Variants in HTN3 observed in about 807,000 individuals in gnomAD.
HTN3 encodes the protein histatin 3, also known as histatin-3.
In HTN3, 15 loss-of-function variants were observed where a neutral mutation model predicts 10.6. The observed-to-expected ratio is 1.42, with a 90% confidence interval of 0.95 to 2.18. HTN3 has a LOEUF of 2.18. Among genes scored for constraint, HTN3 ranks in the 30% most tolerant of loss-of-function variants. HTN3 has a pLI of 0.00. For missense variants in HTN3, 68 were observed against 58.0 expected (o/e 1.17, Z -0.56); for synonymous variants, 15 against 16.9 (o/e 0.89, Z 0.27).
In HTN3 at chr4:70,033,237, G is replaced by A. The variant is rs778068627; in HGVS notation, c.*17G>A. ...GACAATTGATATCTTCAGTAATCAC[G>A]GGGCATGATTATGGAGGTAAGCTGA... is the stretch of plus-strand genomic sequence containing the variant. On this transcript the variant is annotated 3_prime_UTR_variant, in exon 5 of 6. Transcript: ENST00000673563. 9.4e-6 allele frequency: 14 copies of A among 1,485,114 alleles called. No homozygotes were observed. The highest frequency in any genetic ancestry group is 3.5e-5 in the South Asian group (3 of 85,148). The allele number at this position is 1,485,114 out of a possible 1,614,324, so 92.0% of individuals were successfully genotyped here.
chr4:70,032,883 T>A (rs1258038391), intron 4 of HTN3, among the ~76,000 whole-genome samples: 1 of 152,104 alleles, frequency 6.6e-6, no homozygotes, highest in East Asian at 1.9e-4. Flanking sequence ...GTTAAGAAGA[T>A]TTAAAACCTG....
chr4:70,030,685 A>C (rs1428389429), intron 1 of HTN3, 43 bp from the exon 2 acceptor site: 13 of 1,279,172 alleles, frequency 1.0e-5, no homozygotes, highest in Admixed American at 1.7e-5. Context: ...GAATGAATGC[A>C]TGAAAGAATG....
chr4:70,030,544 A>G (rs552783786), intron 1 of HTN3, among the ~76,000 whole-genome samples, 184 bp from the exon 2 acceptor site: 2 of 152,254 alleles, frequency 1.3e-5, no homozygotes, highest in South Asian at 2.1e-4. Flanking sequence ...GGGAGGCTAA[A>G]GTGGGAGGAT....
intron 1 of HTN3, among the ~76,000 whole-genome samples, chr4:70,029,488 A>T (rs1199741540): frequency 1.3e-5 from 2 of 152,054 alleles, no homozygotes; most frequent in African/African-American, 4.8e-5. Flanking sequence ...TTATAATTAG[A>T]TGAAAAACGT....
rs1456651028 is a variant in HTN3 at position 70,029,497 on chromosome 4, G to A, written c.-14+981G>A. ...TTTTTATTATAATTAGATGAAAAAC[G>A]TTACTGTAATGTTCTATCACAAGTG... On this transcript the variant is annotated intron_variant, in intron 1 of 5. Transcript: ENST00000673563. Among the ~76,000 whole-genome samples the A allele has an allele frequency of 5.3e-5, 8 of 151,902 alleles. No individual in the cohort carries two copies. The East Asian group carries it at 5.8e-4, about 11-fold the overall frequency.
rs372688049 is a variant in HTN3 at position 70,033,185 on chromosome 4, C to T, written c.121C>T (p.Arg41Ter). The T allele has an allele frequency of 3.5e-5, 56 of 1,605,982 alleles. No homozygotes were observed. In the East Asian group the frequency reaches 3.6e-4, roughly 10 times the overall value. ...RKFHEKHHSHRGYRSNYLYDN is the reference protein window; with the variant it reads ...RKFHEKHHSH ...TATGCAGGAAAAGCATCATTCACAT[C>T]GAGGCTATAGATCAAATTATCTGTA... Residue 41 changes from arginine (R) to a stop codon, truncating the protein, a stop_gained, in exon 5 of 6, where the codon CGA becomes TGA. Transcript: ENST00000673563. LOFTEE classifies it high-confidence loss of function.
At chr4:70,034,808 T>C (rs534068834) in intron 5 of HTN3, among the ~76,000 whole-genome samples, 25 of 152,226 alleles carry the variant, frequency 1.6e-4, no homozygotes, top group African/African-American at 5.5e-4. Flanking sequence ...CAAATGCCCA[T>C]CAATGATAGA....
chr4:70,033,282 T>A, intron 5 of HTN3, 29 bp downstream of exon 5: 1 of 1,048,894 alleles, frequency 9.5e-7, no homozygotes, highest in Non-Finnish European at 1.4e-6. Context: ...CTTTTCTTTC[T>A]AGAAGTATCA....
intron 1 of HTN3, among the ~76,000 whole-genome samples, chr4:70,029,845 T>C (rs1214353416): frequency 6.6e-6 from 1 of 152,136 alleles, no homozygotes; most frequent in Non-Finnish European, 1.5e-5. Flanking sequence ...GATACAATCA[T>C]TTTCCCTGTG....
chr4:70,034,141 G>A (rs956771131), intron 5 of HTN3: 3 of 152,054 alleles, frequency 2.0e-5, no homozygotes, highest in Non-Finnish European at 4.4e-5. Context: ...CGGGACATAG[G>A]CATGGACAAA....
chr4:70,029,564 A>G (rs1045589208), intron 1 of HTN3, among the ~76,000 whole-genome samples: 1 of 152,116 alleles, frequency 6.6e-6, no homozygotes, highest in Non-Finnish European at 1.5e-5. Context: ...AATATTATCT[A>G]TTAATGAATT....
At chr4:70,034,988 G>A (rs1430272209) in intron 5 of HTN3, among the ~76,000 whole-genome samples, 1 of 152,128 alleles carries the variant, frequency 6.6e-6, no homozygotes, top group Non-Finnish European at 1.5e-5. Context: ...ATAAGTGGGA[G>A]CTGAACAATG....
At chr4:70,036,069 A>C (rs935922214) in intron 5 of HTN3, among the ~76,000 whole-genome samples, 198 bp from the exon 6 acceptor site, 2 of 152,132 alleles carry the variant, frequency 1.3e-5, no homozygotes, top group Non-Finnish European at 2.9e-5. Context: ...GCTGAATGAT[A>C]ATTTTTATTT....
Position 70,032,127 on chromosome 4 carries a change from T to A in HTN3, c.102+20T>A, listed in dbSNP as rs770364282. On this transcript the variant is annotated intron_variant, in intron 4 of 5. Transcript: ENST00000673563. ...TTCCATGTAAGTGTTCTTCTGATAATGTGCACTCTGAATAAGTTTTCTTCT... is the reference window on the plus strand; with the variant it reads ...TTCCATGTAAGTGTTCTTCTGATAAAGTGCACTCTGAATAAGTTTTCTTCT... The A allele has an allele frequency of 1.4e-6, 2 of 1,453,418 alleles. No individual in the cohort carries two copies. The highest frequency in any genetic ancestry group is 1.9e-6 in the Non-Finnish European group (2 of 1,043,558). The allele number at this position is 1,453,418 out of a possible 1,614,324, so 90.0% of individuals were successfully genotyped here. A position where few individuals can be genotyped will look rare whatever the true frequency, so the allele number is the denominator to read the frequency against.
chr4:70,032,004 G>T lies in HTN3; in HGVS notation c.72+5G>T, dbSNP rs145531373. 1,825 of 1,564,348 alleles carry T rather than the reference G, an allele frequency of 1.2e-3. 4 individuals carry two copies. The highest frequency in any genetic ancestry group is 1.8e-3 in the South Asian group (157 of 87,326). ...GGAGCTGATTCACATGCAAAGGTAA[G>T]ACATTTTCATTTACTGGAAAACTTG... On this transcript the variant is annotated splice_donor_5th_base_variant and intron_variant, in intron 3 of 5. Transcript: ENST00000673563.
intron 5 of HTN3, among the ~76,000 whole-genome samples, chr4:70,035,642 G>A (rs764645097): frequency 6.6e-6 from 1 of 152,118 alleles, no homozygotes; most frequent in Non-Finnish European, 1.5e-5. Context: ...AAGGAAATAT[G>A]ATATGGTAAC....
At chr4:70,029,817 G>A (rs1297356404) in intron 1 of HTN3, among the ~76,000 whole-genome samples, 1 of 152,064 alleles carries the variant, frequency 6.6e-6, no homozygotes, top group Non-Finnish European at 1.5e-5. Context: ...ATCTTCACCA[G>A]TTCAACTTCT....
chr4:70,030,875 T>A lies in HTN3; in HGVS notation c.51+84T>A, dbSNP rs1725369739. ...CTTATTCCTTACGTTCTGCCATATA[T>A]TCATGTTCACCTCAATACAGCTTTA... On this transcript the variant is annotated intron_variant, in intron 2 of 5. Coordinates refer to ENST00000673563, the MANE Select transcript of HTN3 (RefSeq NM_000200.3). The A allele has an allele frequency of 1.8e-5, 19 of 1,051,432 alleles. No individual in the cohort carries two copies. The South Asian group carries it at 2.5e-4, about 14-fold the overall frequency. The allele number at this position is 1,051,432 out of a possible 1,614,324, so 65.1% of individuals were successfully genotyped here. A position where few individuals can be genotyped will look rare whatever the true frequency, so the allele number is the denominator to read the frequency against.
chr4:70,035,644 T>A (rs754463214), intron 5 of HTN3, among the ~76,000 whole-genome samples: 1 of 152,208 alleles, frequency 6.6e-6, no homozygotes, highest in Non-Finnish European at 1.5e-5. Context: ...GGAAATATGA[T>A]ATGGTAACAA....
Sources: allele counts gnomAD v4.1 joint callset (sites outside exome capture counted in the v4.1 genomes callset), GRCh38; gene constraint gnomAD v4.1.1; transcripts MANE v1.5; gene names NCBI Gene and HGNC (gene_info 2026-07-23, HGNC 2026-07-21).